KDM4A: variants seen among roughly 807,000 people sequenced by gnomAD.
The protein encoded by KDM4A is lysine-specific demethylase 4A.
A neutral mutation model predicts 127.1 loss-of-function variants in KDM4A; 23 were observed. The observed-to-expected ratio is 0.18, with a 90% CI of 0.13 to 0.26. The LOEUF is 0.26. Ranked by LOEUF, KDM4A falls within the 10% of genes least tolerant of loss-of-function variation. The pLI is 1.00. For missense variants in KDM4A, 890 were observed against 1,329.1 expected (o/e 0.67, Z 5.14); for synonymous variants, 443 against 466.5 (o/e 0.95, Z 0.65).
chr1:43,672,787 G>A (rs1660652798), intron 11 of KDM4A, among the ~76,000 whole-genome samples: 1 of 152,176 alleles, frequency 6.6e-6, no homozygotes, highest in African/African-American at 2.4e-5. Flanking sequence ...AACCACCGTG[G>A]CTGGCCTTTT....
At chr1:43,670,701 C>T (rs907320865) in intron 10 of KDM4A, among the ~76,000 whole-genome samples, 1 of 151,722 alleles carries the variant, frequency 6.6e-6, no homozygotes, top group Non-Finnish European at 1.5e-5. Flanking sequence ...GTAGCTGGGA[C>T]TACAGATGCT....
rs1410581777 is a variant in KDM4A, at chr1:43,694,757, G to A, written c.2533G>A (p.Val845Met). 6.2e-7 allele frequency: 1 copy of A among 1,614,048 alleles called. No homozygotes were observed. The highest frequency in any genetic ancestry group is 1.7e-5 in the Admixed American group (1 of 60,018). ...KRRKRTAGCCVQCSHGRCPTA... is the reference protein window; with the variant it reads ...KRRKRTAGCCMQCSHGRCPTA... ...GAGGAAAAGAACTGCTGGCTGCTGT[G>A]TGCAGTGTTCTCACGGCCGCTGCCC... is the stretch of plus-strand genomic sequence containing the variant. Residue 845 changes from valine to methionine, a missense_variant, in exon 18 of 22, where the codon GTG becomes ATG. Around this residue, in one of 7 missense-constraint regions of KDM4A, gnomAD observed 246 missense variants for 418.4 expected, o/e 0.59. Coordinates refer to ENST00000372396, the MANE Select transcript of KDM4A (RefSeq NM_014663.3). This position sits in a 1 kb window ranked among gnomAD's most constrained non-coding sequence, Gnocchi z 5.2.
chr1:43,705,183 T>C lies in KDM4A; in HGVS notation c.*813T>C, dbSNP rs1156992690. 1 of 151,232 alleles carries C rather than the reference T, an allele frequency of 6.6e-6. No individual in the cohort carries two copies. The highest frequency in any genetic ancestry group is 1.5e-5 in the Non-Finnish European group (1 of 67,932). The allele number at this position is 151,232 out of a possible 1,614,324, so 9.4% of individuals were successfully genotyped here. A position where few individuals can be genotyped will look rare whatever the true frequency, so the allele number is the denominator to read the frequency against. ...GAAGCAGGCAGAGCCTGGTGGGTGA[T>C]TCTGTCAACAGAAAATTGCAATCAT... On this transcript the variant is annotated 3_prime_UTR_variant, in exon 22 of 22. Coordinates refer to ENST00000372396, the MANE Select transcript of KDM4A (RefSeq NM_014663.3).
intron 11 of KDM4A, among the ~76,000 whole-genome samples, chr1:43,682,186 C>T (rs1219939851): frequency 2.0e-5 from 3 of 152,156 alleles, no homozygotes; most frequent in Non-Finnish European, 2.9e-5. Flanking sequence ...TCAAGGGATC[C>T]GCCTACCTCA....
At chr1:43,676,361 G>A (rs187806414) in intron 11 of KDM4A, among the ~76,000 whole-genome samples, 5 of 152,170 alleles carry the variant, frequency 3.3e-5, no homozygotes, top group East Asian at 3.9e-4. Flanking sequence ...TTGCTCTGTC[G>A]CCCAGGCTGG....
chr1:43,658,761 C>A (rs1211703626), intron 3 of KDM4A, among the ~76,000 whole-genome samples: 1 of 151,978 alleles, frequency 6.6e-6, no homozygotes. Context: ...CCTGGGCCTC[C>A]CAAGTGCTGG....
At chr1:43,655,429 T>C (rs1449366968) in intron 2 of KDM4A, among the ~76,000 whole-genome samples, 162 bp from the exon 3 acceptor site, 1 of 152,222 alleles carries the variant, frequency 6.6e-6, no homozygotes, top group African/African-American at 2.4e-5. Flanking sequence ...TGGATCAGGG[T>C]TAGCATGCCT....
At chr1:43,666,595 C>T in intron 7 of KDM4A, 40 bp downstream of exon 7, 1 of 1,497,742 alleles carries the variant, frequency 6.7e-7, no homozygotes, top group Non-Finnish European at 9.3e-7. Context: ...AGGCACCACC[C>T]TTTCTGGCCT....
chr1:43,676,671 T>A (rs1205958165), intron 11 of KDM4A, among the ~76,000 whole-genome samples: 1 of 152,168 alleles, frequency 6.6e-6, no homozygotes, highest in Admixed American at 6.5e-5. Context: ...TTGCTTTGTT[T>A]GTCCTGTTTT....
chr1:43,669,363 A>C, intron 10 of KDM4A, 64 bp downstream of exon 10: 1 of 1,479,474 alleles, frequency 6.8e-7, no homozygotes, highest in Admixed American at 1.7e-5. Context: ...GTTAGATGCC[A>C]TATTGAGTGC....
At chr1:43,671,417 A>G in intron 10 of KDM4A, 88 bp from the exon 11 acceptor site, 1 of 1,407,096 alleles carries the variant, frequency 7.1e-7, no homozygotes, top group Non-Finnish European at 9.5e-7. Flanking sequence ...TTCCCCGCCC[A>G]TGTTCCTTGT....
chr1:43,691,455 G>C (rs1661108181), intron 14 of KDM4A, 41 bp from the exon 15 acceptor site: 1 of 1,521,810 alleles, frequency 6.6e-7, no homozygotes, highest in East Asian at 2.3e-5. Flanking sequence ...TTTTGACTCT[G>C]ACCACTGGGT....
At chr1:43,651,458 G>C (rs761474420) in intron 1 of KDM4A, among the ~76,000 whole-genome samples, 1 of 152,210 alleles carries the variant, frequency 6.6e-6, no homozygotes, top group African/African-American at 2.4e-5. Flanking sequence ...TTGATAGGAA[G>C]CCTAGGAGAT....
chr1:43,705,113 C>T lies in KDM4A; in HGVS notation c.*743C>T, dbSNP rs1259084915. 2 of 152,358 alleles carry T rather than the reference C, an allele frequency of 1.3e-5. No homozygotes were observed. The highest frequency in any genetic ancestry group is 1.9e-4 in the East Asian group (1 of 5,178). 9.4% of individuals were successfully genotyped at this position (152,358 alleles called of 1,614,324 possible). A position where few individuals can be genotyped will look rare whatever the true frequency, so the allele number is the denominator to read the frequency against. ...GCAGAGCCCCTGTGGCAAAGTATTA[C>T]AGGGTGTGGGTGGGGATTACCCTGA... On this transcript the variant is annotated 3_prime_UTR_variant, in exon 22 of 22. Transcript: ENST00000372396.
chr1:43,660,524 A>G, intron 4 of KDM4A, 112 bp downstream of exon 4: 1 of 1,406,368 alleles, frequency 7.1e-7, no homozygotes. Context: ...GGGTGGATGA[A>G]CAGATGATCT....
Position 43,690,053 on chromosome 1 carries a change from A to G in KDM4A, c.2038-792A>G, listed in dbSNP as rs1661073024. Among the ~76,000 whole-genome samples, 3 of 152,374 alleles carry G rather than the reference A, an allele frequency of 2.0e-5. No individual in the cohort carries two copies. In the South Asian group the frequency reaches 6.2e-4, roughly 32 times the overall value. ...TCCTTGGAATGGAGATGCAGGTGCC[A>G]TCCAGCAGATATTTGCAATCAGTAT... On this transcript the variant is annotated intron_variant, in intron 13 of 21. Coordinates refer to ENST00000372396, the MANE Select transcript of KDM4A (RefSeq NM_014663.3).
chr1:43,682,237 C>T (rs1261114550), intron 11 of KDM4A, among the ~76,000 whole-genome samples: 1 of 152,172 alleles, frequency 6.6e-6, no homozygotes, highest in Non-Finnish European at 1.5e-5. Context: ...AGCCACTGTG[C>T]CTGGCCAGAA....
intron 3 of KDM4A, among the ~76,000 whole-genome samples, chr1:43,657,564 A>G (rs945449903): frequency 6.6e-6 from 1 of 151,938 alleles, no homozygotes; most frequent in Admixed American, 6.6e-5. Flanking sequence ...GAATTTACAT[A>G]AAGGCATGTT....
In KDM4A at chr1:43,694,834, T is replaced by C. The variant is rs1196745215; in HGVS notation, c.2610T>C (p.Pro870=). 2.5e-6 allele frequency: 4 copies of C among 1,613,614 alleles called. No homozygotes were observed. Among genetic ancestry groups the C allele is most frequent in the African/African-American group, 1.3e-5 (1 of 74,922 alleles). ...CAQAAGVMMQ[P]DDWPFVVFIT... ...AGGCTGCCGGTGTGATGATGCAGCCTGACGACTGGCCTTTTGTGGTCTTCA... is the reference window on the plus strand; with the variant it reads ...AGGCTGCCGGTGTGATGATGCAGCCCGACGACTGGCCTTTTGTGGTCTTCA... Residue 870 remains proline, a synonymous_variant, in exon 18 of 22, where the codon CCT becomes CCC. Coordinates refer to ENST00000372396, the MANE Select transcript of KDM4A (RefSeq NM_014663.3). The surrounding 1 kb of genome is among the most constrained non-coding windows in gnomAD (Gnocchi z 5.2).
Sources: allele counts gnomAD v4.1 joint callset (sites outside exome capture counted in the v4.1 genomes callset), GRCh38; gene constraint gnomAD v4.1.1; regional missense constraint gnomAD v4.1.1; non-coding constraint Gnocchi (gnomAD v3.1); transcripts MANE v1.5; gene names NCBI Gene and HGNC (gene_info 2026-07-23, HGNC 2026-07-21).